The following FOXP1 variants were observed in gnomAD, a reference collection of about 807,000 sequenced individuals.
FOXP1 encodes forkhead box P1.
FOXP1 carries 15 observed loss-of-function variants against 98.2 expected under a neutral mutation model. The ratio of observed to expected loss-of-function variants is 0.15; its 90% CI spans 0.10 to 0.24. FOXP1 has a LOEUF of 0.24. Ranked by LOEUF, FOXP1 falls within the 10% of genes least tolerant of loss-of-function variation. FOXP1 has a pLI of 1.00. For missense variants in FOXP1, 633 were observed against 848.5 expected (o/e 0.75, Z 3.15); for synonymous variants, 371 against 314.5 (o/e 1.18, Z -1.90).
rs529385013 is a variant in FOXP1, at chr3:71,355,408, T to C, written c.-73+3742A>G. Among the ~76,000 whole-genome samples, 60 of 152,080 alleles carry C rather than the reference T, an allele frequency of 3.9e-4. 1 individual carries two copies. The South Asian group carries it at 0.012, about 30-fold the overall frequency. ...AACAAGAGGTTTGGATCAAGAAAAA[T>C]AATAAAGGGGCTGTCCCCTTTCACG... is the stretch of plus-strand genomic sequence containing the variant. On this transcript the variant is annotated intron_variant, in intron 4 of 20. Coordinates refer to ENST00000649528, the MANE Select transcript of FOXP1 (RefSeq NM_001349338.3).
intron 4 of FOXP1, among the ~76,000 whole-genome samples, chr3:71,347,827 G>C (rs1044124343): frequency 6.6e-6 from 1 of 151,862 alleles, no homozygotes; most frequent in Non-Finnish European, 1.5e-5. Context: ...GGAGGTTGCA[G>C]TGAGCAGAGA....
chr3:71,303,152 T>TCC (rs2073991961), intron 4 of FOXP1, among the ~76,000 whole-genome samples: 1 of 152,158 alleles, frequency 6.6e-6, no homozygotes, highest in Admixed American at 6.5e-5. Context: ...ATTTCCCCCT[T>TCC]CCCTTTCTTG....
At chr3:70,963,935 C>G (rs902013583) in intron 20 of FOXP1, among the ~76,000 whole-genome samples, 2 of 152,316 alleles carry the variant, frequency 1.3e-5, no homozygotes, top group Non-Finnish European at 2.9e-5. Flanking sequence ...GTCCTTCAAG[C>G]CGTGCCGTAA....
intron 19 of FOXP1, among the ~76,000 whole-genome samples, chr3:70,967,645 GT>G (rs905310255): frequency 2.3e-4 from 13 of 57,574 alleles, no homozygotes; most frequent in Admixed American, 3.5e-4. Context: ...CTTTCTTTTT[GT>G]TTTTTTTTTG....
intron 7 of FOXP1, among the ~76,000 whole-genome samples, chr3:71,068,074 G>C (rs933876757): frequency 6.6e-6 from 1 of 151,296 alleles, no homozygotes; most frequent in Non-Finnish European, 1.5e-5. Context: ...GTTTAAGGAA[G>C]AGTAAAGGAA....
At chr3:71,301,568 C>T (rs767002449) in intron 4 of FOXP1, among the ~76,000 whole-genome samples, 1 of 152,140 alleles carries the variant, frequency 6.6e-6, no homozygotes, top group Non-Finnish European at 1.5e-5. Context: ...CCAATACATG[C>T]ACTGTAAACT....
intron 6 of FOXP1, chr3:71,197,973 G>C (rs2063395290): frequency 5.6e-6 from 9 of 1,614,070 alleles, no homozygotes; most frequent in African/African-American, 1.3e-5. Context: ...CTCCCCACAA[G>C]GGGACCTGCA....
chr3:71,233,463 G>C (rs780760100), intron 5 of FOXP1, among the ~76,000 whole-genome samples: 4 of 151,858 alleles, frequency 2.6e-5, no homozygotes, highest in Non-Finnish European at 4.4e-5. Context: ...TTTCACTCTT[G>C]TCACCCAGGC....
chr3:71,242,451 A>G (rs1490367877), intron 5 of FOXP1, among the ~76,000 whole-genome samples: 1 of 152,212 alleles, frequency 6.6e-6, no homozygotes, highest in Non-Finnish European at 1.5e-5. Flanking sequence ...TCCATCATTA[A>G]AATACATCAG....
At chr3:71,051,343 G>T (rs971121053) in intron 9 of FOXP1, among the ~76,000 whole-genome samples, 2 of 152,148 alleles carry the variant, frequency 1.3e-5, no homozygotes, top group African/African-American at 4.8e-5. Context: ...CTCTGCAGGG[G>T]TTTACATCCG....
chr3:71,315,270 G>A (rs1030102759), intron 4 of FOXP1, among the ~76,000 whole-genome samples: 3 of 151,976 alleles, frequency 2.0e-5, no homozygotes, highest in Non-Finnish European at 2.9e-5. Flanking sequence ...CCACTTTCCA[G>A]CCACACCAGG....
intron 10 of FOXP1, among the ~76,000 whole-genome samples, chr3:71,044,511 A>G (rs1462314129): frequency 6.6e-6 from 1 of 152,198 alleles, no homozygotes; most frequent in East Asian, 1.9e-4. Context: ...ATTTCCTATT[A>G]TAAAACCTTC....
At chr3:71,534,200 C>A (rs906776780) in intron 2 of FOXP1, among the ~76,000 whole-genome samples, 15 of 152,260 alleles carry the variant, frequency 9.9e-5, no homozygotes, top group Admixed American at 8.5e-4. Context: ...CCTGTCTCTA[C>A]TAAAAATACA....
chr3:71,135,882 T>C (rs1391478356), intron 6 of FOXP1, among the ~76,000 whole-genome samples: 1 of 151,964 alleles, frequency 6.6e-6, no homozygotes, highest in Non-Finnish European at 1.5e-5. Flanking sequence ...ATATAAGGAG[T>C]TGCATCGACT....
At chr3:71,341,942 G>A (rs1203049720) in intron 4 of FOXP1, among the ~76,000 whole-genome samples, 1 of 152,192 alleles carries the variant, frequency 6.6e-6, no homozygotes, top group Non-Finnish European at 1.5e-5. Context: ...GCTTCTCAAT[G>A]ATTTCCTAAG....
In FOXP1 at chr3:71,359,226, T is replaced by G. The variant is rs2078383126; in HGVS notation, c.-149A>C. The G allele has an allele frequency of 6.6e-6, 1 of 152,120 alleles. No individual in the cohort carries two copies. 9.4% of individuals were successfully genotyped at this position (152,120 alleles called of 1,614,324 possible). Reference sequence around the variant, plus strand: ...GGGGGCATGCATAATGCCACAGGACTGCAACACACAGAGGGAAGCTGAAAG... The same window carrying G: ...GGGGGCATGCATAATGCCACAGGACGGCAACACACAGAGGGAAGCTGAAAG... On this transcript the variant is annotated 5_prime_UTR_variant, in exon 4 of 21. Transcript: ENST00000649528.
intron 3 of FOXP1, among the ~76,000 whole-genome samples, chr3:71,436,023 G>C (rs186963117): frequency 6.6e-6 from 1 of 151,558 alleles, no homozygotes; most frequent in African/African-American, 2.4e-5. Flanking sequence ...AGGAAGAAAG[G>C]GGGGAGAATC....
chr3:71,071,965 T>G (rs953095728), intron 7 of FOXP1, among the ~76,000 whole-genome samples: 1 of 152,202 alleles, frequency 6.6e-6, no homozygotes, highest in Admixed American at 6.5e-5. Flanking sequence ...AGTGCACATT[T>G]TACATTAGCA....
At chr3:71,541,656 G>A (rs968058715) in intron 2 of FOXP1, among the ~76,000 whole-genome samples, 12 of 151,932 alleles carry the variant, frequency 7.9e-5, no homozygotes, top group African/African-American at 2.7e-4. Flanking sequence ...GCTGGAATGC[G>A]TATTTCACCA....
Sources: allele counts gnomAD v4.1 joint callset (sites outside exome capture counted in the v4.1 genomes callset), GRCh38; gene constraint gnomAD v4.1.1; transcripts MANE v1.5; gene names NCBI Gene and HGNC (gene_info 2026-07-23, HGNC 2026-07-21).